The following IL13RA1 variants were observed in gnomAD, a reference collection of about 807,000 sequenced individuals.
The protein encoded by IL13RA1 is interleukin 13 receptor subunit alpha 1.
In IL13RA1, 14 loss-of-function variants were observed where a neutral mutation model predicts 33.8. The observed-to-expected ratio is 0.41, with a 90% CI of 0.27 to 0.65. IL13RA1 has a LOEUF of 0.65. Ranked by LOEUF, IL13RA1 falls within the 30% of genes least tolerant of loss-of-function variation. The pLI, the probability that IL13RA1 is intolerant of heterozygous loss-of-function variation, is 0.28. For synonymous variants in IL13RA1, 116 were observed against 115.7 expected, an observed-to-expected ratio of 1.00 and a Z score of -0.02; for missense variants, 313 against 327.0, an observed-to-expected ratio of 0.96 and a Z score of 0.33.
Position 118,791,858 on chromosome X carries a change from A to T in IL13RA1, c.*4A>T. On this transcript the variant is annotated 3_prime_UTR_variant, in exon 11 of 11. Coordinates refer to ENST00000371666, the MANE Select transcript of IL13RA1 (RefSeq NM_001560.3). ...CCTGAAGAAAGCCTCTCAGTGATGG[A>T]GATAATTTATTTTTACCTTCACTGT... is the stretch of plus-strand genomic sequence containing the variant. The T allele has an allele frequency of 1.2e-6, 1 of 802,363 alleles. No individual in the cohort carries two copies. The highest frequency in any genetic ancestry group is 1.9e-6 in the Non-Finnish European group (1 of 530,895). 66.1% of individuals were successfully genotyped at this position (802,363 alleles called of 1,213,427 possible). A position where few individuals can be genotyped will look rare whatever the true frequency, so the allele number is the denominator to read the frequency against.
chrX:118,761,123 A>G lies in IL13RA1; in HGVS notation c.677-15A>G. 1 of 909,411 alleles carries G rather than the reference A, an allele frequency of 1.1e-6. No homozygotes were observed. The highest frequency in any genetic ancestry group is 1.5e-6 in the Non-Finnish European group (1 of 655,564). The allele number at this position is 909,411 out of a possible 1,213,427, so 74.9% of individuals were successfully genotyped here. A position where few individuals can be genotyped will look rare whatever the true frequency, so the allele number is the denominator to read the frequency against. Reference sequence around the variant, plus strand: ...AGCTTTGGAAGCTTACTTGTGTTCTATTTTTGTTTTTCAGTGAAACCTGAT... The same window carrying G: ...AGCTTTGGAAGCTTACTTGTGTTCTGTTTTTGTTTTTCAGTGAAACCTGAT... On this transcript the variant is annotated splice_polypyrimidine_tract_variant and intron_variant, in intron 5 of 10. Transcript: ENST00000371666.
intron 1 of IL13RA1, among the ~76,000 whole-genome samples, 182 bp from the exon 2 acceptor site, chrX:118,740,835 A>T (rs1339624139): frequency 8.9e-6 from 1 of 112,199 alleles, no homozygotes; most frequent in Non-Finnish European, 1.9e-5. Context: ...TATCTCCAAG[A>T]TTGTTGTGAG....
Position 118,747,107 on chromosome X carries a change from C to T in IL13RA1, c.367+15C>T, listed in dbSNP as rs1433378870. 3.7e-6 allele frequency: 4 copies of T among 1,079,317 alleles called. No individual in the cohort carries two copies. Among genetic ancestry groups the T allele is most frequent in the Non-Finnish European group, 5.1e-6 (4 of 781,032 alleles). The allele number at this position is 1,079,317 out of a possible 1,213,427, so 88.9% of individuals were successfully genotyped here. On this transcript the variant is annotated intron_variant, in intron 3 of 10. Transcript: ENST00000371666. The stretch of plus-strand genomic sequence containing the variant: ...ACCCCCAGAAGGTAACAACTGAAAG[C>T]GCTATCTCTTGGTGTTTAGAGAATA...
chrX:118,746,523 T>C (rs2017406267), intron 2 of IL13RA1, among the ~76,000 whole-genome samples: 1 of 111,741 alleles, frequency 8.9e-6, no homozygotes, highest in Non-Finnish European at 1.9e-5. Context: ...AAAATTGCTT[T>C]TAGAGAGTTG....
chrX:118,743,625 CCTTT>C (rs1294914299), intron 2 of IL13RA1, among the ~76,000 whole-genome samples: 11 of 112,006 alleles, frequency 9.8e-5, no homozygotes, highest in African/African-American at 2.9e-4. Context: ...AAGCTAACTC[CCTTT>C]CTTTTTGAGA....
downstream of IL13RA1, chrX:118,794,567 A>G (rs1428502209): frequency 1.8e-5 from 2 of 111,963 alleles, no homozygotes; most frequent in African/African-American, 6.5e-5. Context: ...ATTTTGGGGA[A>G]ATGGTGGGAG....
chrX:118,799,153 G>A (rs373229754), downstream of IL13RA1, among the ~76,000 whole-genome samples: 538 of 113,288 alleles, frequency 4.7e-3, 4 homozygotes, highest in African/African-American at 0.016. Context: ...GCCCACCGGC[G>A]CTGTGCTCGA....
downstream of IL13RA1, among the ~76,000 whole-genome samples, chrX:118,795,227 A>AAAAG (rs1556376045): frequency 5.1e-3 from 486 of 94,997 alleles, 19 homozygotes; most frequent in South Asian, 0.047. Flanking sequence ...AAAAAAAAAA[A>AAAAG]AAAGAAAAAG....
At chrX:118,779,468 A>G (rs936582237) in intron 10 of IL13RA1, among the ~76,000 whole-genome samples, 1 of 112,198 alleles carries the variant, frequency 8.9e-6, no homozygotes, top group Non-Finnish European at 1.9e-5. Context: ...CATGTAGTAT[A>G]TTACAATCAT....
chrX:118,763,015 G>A (rs958097425), intron 6 of IL13RA1, among the ~76,000 whole-genome samples: 1 of 111,190 alleles, frequency 9.0e-6, no homozygotes, highest in Non-Finnish European at 1.9e-5. Context: ...ACACATACTG[G>A]GGCCTGTGGG....
At chrX:118,759,340 G>A (rs1278936848) in intron 5 of IL13RA1, among the ~76,000 whole-genome samples, 1 of 112,600 alleles carries the variant, frequency 8.9e-6, no homozygotes, top group Admixed American at 9.4e-5. Context: ...ATGACATAAA[G>A]CGTATTAACA....
chrX:118,784,129 G>GTATATATATATATA (rs72041786), intron 10 of IL13RA1, among the ~76,000 whole-genome samples: 1 of 61,514 alleles, frequency 1.6e-5, no homozygotes, highest in Non-Finnish European at 2.6e-5. Flanking sequence ...GTATATATAT[G>GTATATATATATATA]TATATATATA....
At chrX:118,739,903 T>G (rs372786493) in intron 1 of IL13RA1, among the ~76,000 whole-genome samples, 1 of 112,167 alleles carries the variant, frequency 8.9e-6, no homozygotes, top group African/African-American at 3.2e-5. Flanking sequence ...TTAAACTTAC[T>G]TATAGAACTG....
intron 1 of IL13RA1, among the ~76,000 whole-genome samples, chrX:118,729,809 A>G (rs1390366211): frequency 8.9e-6 from 1 of 112,171 alleles, no homozygotes; most frequent in African/African-American, 3.2e-5. Context: ...CCTTGCCCAA[A>G]TTCGCATACC....
intron 10 of IL13RA1, among the ~76,000 whole-genome samples, chrX:118,783,357 T>G (rs913042400): frequency 1.5e-4 from 17 of 112,060 alleles, no homozygotes; most frequent in African/African-American, 5.2e-4. Context: ...GATTGAATTT[T>G]GGGCTGGTAA....
chrX:118,790,931 T>G (rs2017968405), intron 10 of IL13RA1, among the ~76,000 whole-genome samples: 1 of 111,968 alleles, frequency 8.9e-6, no homozygotes, highest in Admixed American at 9.5e-5. Context: ...AATGATTTTG[T>G]TTTTGCAAGC....
downstream of IL13RA1, among the ~76,000 whole-genome samples, chrX:118,799,244 T>G (rs1485784656): frequency 8.9e-6 from 1 of 112,873 alleles, no homozygotes; most frequent in East Asian, 2.8e-4. Flanking sequence ...TCCCACCCAC[T>G]CCATGGGCTC....
At chrX:118,733,785 A>AT (rs34437600) in intron 1 of IL13RA1, among the ~76,000 whole-genome samples, 20,011 of 107,912 alleles carry the variant, frequency 0.19, 1,700 homozygotes, top group East Asian at 0.41. Flanking sequence ...TCCATTTTGA[A>AT]TTTTTTTTTT....
the IL13RA1 span, among the ~76,000 whole-genome samples, chrX:118,801,334 T>TA: frequency 8.9e-6 from 1 of 112,340 alleles, no homozygotes; most frequent in Non-Finnish European, 1.9e-5. Context: ...ATTTTAATGA[T>TA]ATGCCTTATT....
Sources: allele counts gnomAD v4.1 joint callset (sites outside exome capture counted in the v4.1 genomes callset), GRCh38; gene constraint gnomAD v4.1.1; transcripts MANE v1.5; gene names NCBI Gene and HGNC (gene_info 2026-07-23, HGNC 2026-07-21).